ANK3: variants seen among roughly 807,000 people sequenced by gnomAD.
The protein encoded by ANK3 is ankyrin-3.
ANK3 carries 57 observed loss-of-function variants against 370.9 expected under a neutral mutation model. The ratio of observed to expected loss-of-function variants is 0.15; its 90% CI spans 0.12 to 0.19. The LOEUF is 0.19. Ranked by LOEUF, ANK3 falls within the 10% of genes least tolerant of loss-of-function variation. The probability of loss-of-function intolerance (pLI) is 1.00; values close to 1 mark genes in which losing one functional copy is unlikely to be tolerated. For missense variants in ANK3, 4,439 were observed against 5,302.1 expected (o/e 0.84, Z 5.06); for synonymous variants, 1,929 against 1,946.3 (o/e 0.99, Z 0.23).
chr10:60,102,216 T>C (rs948707049), intron 28 of ANK3, among the ~76,000 whole-genome samples: 5 of 150,468 alleles, frequency 3.3e-5, no homozygotes, highest in African/African-American at 9.8e-5. Context: ...AGTACCCCTA[T>C]GTCTTACAGG....
rs193187777 is a variant in ANK3 at position 60,531,774 on chromosome 10, T to C, written c.96+83412A>G. On this transcript the variant is annotated intron_variant, in intron 2 of 43. Coordinates refer to the ANK3 transcript ENST00000373827. ...CTCAGAAGTTCGTATTGCAGTTTTC[T>C]GTGTCAGAGTGCTGAGGTCCAAGAA... is the stretch of plus-strand genomic sequence containing the variant. Among the ~76,000 whole-genome samples the C allele has an allele frequency of 2.0e-5, 3 of 152,280 alleles. 1 individual carries two copies. The highest frequency in any genetic ancestry group is 2.4e-5 in the African/African-American group (1 of 41,574).
chr10:60,447,809 T>C (rs2064489894), intron 2 of ANK3, among the ~76,000 whole-genome samples: 1 of 152,172 alleles, frequency 6.6e-6, no homozygotes, highest in African/African-American at 2.4e-5. Flanking sequence ...CAGGCCTAGA[T>C]ACGCAACCCT....
At chr10:60,707,379 T>G (rs547226244) in intron 1 of ANK3, among the ~76,000 whole-genome samples, 1 of 152,248 alleles carries the variant, frequency 6.6e-6, no homozygotes, top group Admixed American at 6.5e-5. Context: ...CTTGCTTGAG[T>G]TAATACAAAC....
chr10:60,274,460 G>T (rs527723553), intron 4 of ANK3, among the ~76,000 whole-genome samples: 85 of 152,224 alleles, frequency 5.6e-4, no homozygotes, highest in African/African-American at 2.0e-3. Context: ...TTCTTTCAGA[G>T]AATTACCTAT....
Position 60,166,878 on chromosome 10 carries a change from T to G in ANK3, c.2497A>C (p.Lys833Gln). Residue 833 changes from lysine (K) to glutamine (Q), a missense_variant, in exon 22 of 44, where the codon AAA becomes CAA. By Grantham distance (53) the Lys-to-Gln change is moderately conservative. Around this residue, in one of 13 missense-constraint regions of ANK3, gnomAD observed 702 missense variants for 941.5 expected, o/e 0.75. Transcript: ENST00000280772. Reference protein sequence around the residue: ...MTTTTVTEKHKMNVPETMNEV... With the variant: ...MTTTTVTEKHQMNVPETMNEV... The stretch of plus-strand genomic sequence containing the variant: ...TTCATCGTTTCTGGAACATTCATTT[T>G]GTGCTTCTCTGTGACAGTCTAGTAA... 1 of 1,614,040 alleles carries G rather than the reference T, an allele frequency of 6.2e-7. No individual in the cohort carries two copies. The highest frequency in any genetic ancestry group is 8.5e-7 in the Non-Finnish European group (1 of 1,179,950).
Position 60,069,365 on chromosome 10 carries a change from C to A in ANK3, c.11516G>T (p.Cys3839Phe), listed in dbSNP as rs2082265984. 1.2e-6 allele frequency: 2 copies of A among 1,614,034 alleles called. No homozygotes were observed. The highest frequency in any genetic ancestry group is 1.7e-6 in the Non-Finnish European group (2 of 1,180,000). ...GKKTGVLQGH[C>F]VRDKQKVLGE... ...AAGAACTTTCTGCTTATCTCTTACACAGTGTCCTTGTAGTACCCCTGTCTT... is the reference window on the plus strand; with the variant it reads ...AAGAACTTTCTGCTTATCTCTTACAAAGTGTCCTTGTAGTACCCCTGTCTT... The change falls in exon 37 of 44, where the codon TGT becomes TTT. Residue 3839 changes from cysteine (C) to phenylalanine (F), a missense_variant. Around this residue, in one of 13 missense-constraint regions of ANK3, gnomAD observed 496 missense variants for 529.3 expected, o/e 0.94. Coordinates refer to ENST00000280772, the MANE Select transcript of ANK3 (RefSeq NM_020987.5).
chr10:60,469,895 C>T (rs886703461), intron 2 of ANK3, among the ~76,000 whole-genome samples: 3 of 151,652 alleles, frequency 2.0e-5, no homozygotes, highest in East Asian at 1.9e-4. Context: ...CTGTGCCTCA[C>T]ATATGGAACT....
At chr10:60,236,350 C>T (rs2097333561) in intron 7 of ANK3, among the ~76,000 whole-genome samples, 2 of 150,264 alleles carry the variant, frequency 1.3e-5, no homozygotes, top group South Asian at 4.1e-4. Flanking sequence ...TCAAATTCTC[C>T]CATTATCTCC....
chr10:60,273,743 T>C (rs12355714), intron 4 of ANK3, among the ~76,000 whole-genome samples: 1 of 151,304 alleles, frequency 6.6e-6, no homozygotes, highest in East Asian at 1.9e-4. Context: ...ATGGGGGGGG[T>C]TTCCCCCACA....
intron 43 of ANK3, among the ~76,000 whole-genome samples, chr10:60,032,042 C>A (rs1300828206): frequency 1.3e-5 from 2 of 151,922 alleles, no homozygotes; most frequent in Non-Finnish European, 2.9e-5. Context: ...ATCATTTAAT[C>A]CTAATCTTGT....
chr10:60,250,284 T>C (rs1033557066), intron 7 of ANK3, among the ~76,000 whole-genome samples: 2 of 152,236 alleles, frequency 1.3e-5, no homozygotes, highest in Admixed American at 1.3e-4. Context: ...TCAGAATCTA[T>C]GGGAAAATGT....
chr10:60,339,407 T>C (rs2053749484), intron 1 of ANK3, among the ~76,000 whole-genome samples: 1 of 152,172 alleles, frequency 6.6e-6, no homozygotes, highest in East Asian at 1.9e-4. Context: ...TCGTGTCCCA[T>C]GCACATACCT....
chr10:60,345,130 T>G (rs890210253), intron 1 of ANK3, among the ~76,000 whole-genome samples: 1 of 152,202 alleles, frequency 6.6e-6, no homozygotes, highest in Admixed American at 6.5e-5. Flanking sequence ...CATGTACCTA[T>G]GCCTCAACTG....
intron 23 of ANK3, among the ~76,000 whole-genome samples, chr10:60,163,311 A>G (rs930675988): frequency 6.6e-6 from 1 of 152,176 alleles, no homozygotes; most frequent in Non-Finnish European, 1.5e-5. Flanking sequence ...TAAGGTATCT[A>G]CAAATGCATC....
intron 23 of ANK3, among the ~76,000 whole-genome samples, chr10:60,147,822 G>C (rs1321062874): frequency 6.6e-6 from 1 of 152,082 alleles, no homozygotes; most frequent in Non-Finnish European, 1.5e-5. Context: ...TTCCTGTACA[G>C]CCTGCAGAAC....
intron 41 of ANK3, among the ~76,000 whole-genome samples, chr10:60,057,317 T>A (rs992835001): frequency 6.6e-6 from 1 of 152,234 alleles, no homozygotes; most frequent in Non-Finnish European, 1.5e-5. Context: ...CAGTATAGAC[T>A]ATTTTTCACT....
intron 24 of ANK3, chr10:60,137,382 A>AAAAAAC (rs1554985817): frequency 5.4e-6 from 2 of 368,942 alleles, no homozygotes; most frequent in African/African-American, 2.2e-5. Context: ...AGGAAAAAAA[A>AAAAAAC]AAAAAAAAAA....
At chr10:60,425,044 A>G (rs2063853193) in intron 2 of ANK3, among the ~76,000 whole-genome samples, 1 of 152,080 alleles carries the variant, frequency 6.6e-6, no homozygotes, top group Non-Finnish European at 1.5e-5. Context: ...AGATATGAAA[A>G]GGTGACACTA....
intron 2 of ANK3, among the ~76,000 whole-genome samples, chr10:60,413,399 T>G (rs2063598649): frequency 6.6e-6 from 1 of 152,198 alleles, no homozygotes; most frequent in Non-Finnish European, 1.5e-5. Context: ...AATAAGTGCT[T>G]GAAAAGATGA....
Sources: allele counts gnomAD v4.1 joint callset (sites outside exome capture counted in the v4.1 genomes callset), GRCh38; gene constraint gnomAD v4.1.1; regional missense constraint gnomAD v4.1.1; transcripts MANE v1.5; gene names NCBI Gene and HGNC (gene_info 2026-07-23, HGNC 2026-07-21).